Variants in TYW1 observed in about 807,000 individuals in gnomAD.
TYW1 encodes tRNA-yW synthesizing protein 1 homolog.
TYW1 carries 46 observed loss-of-function variants against 96.2 expected under a neutral mutation model. The ratio of observed to expected loss-of-function variants is 0.48; its 90% CI spans 0.38 to 0.61. The LOEUF (loss-of-function observed/expected upper bound fraction) is 0.61. TYW1 is among the 20% of genes least tolerant of loss of function. TYW1 has a pLI of 0.00. For synonymous variants in TYW1, 274 were observed against 323.0 expected (o/e 0.85, Z 1.63); for missense variants, 684 against 909.6 (o/e 0.75, Z 3.19).
At chr7:67,163,469 C>T (rs186756753) in intron 13 of TYW1, among the ~76,000 whole-genome samples, 4 of 152,210 alleles carry the variant, frequency 2.6e-5, no homozygotes, top group Non-Finnish European at 2.9e-5. Context: ...TCTTCCTGCA[C>T]ACTAACCAAG....
chr7:67,099,877 C>A lies in TYW1; in HGVS notation c.1562+1159C>A, dbSNP rs568397707. 9.0e-4 allele frequency among the ~76,000 whole-genome samples: 137 copies of A among 152,216 alleles called. 2 individuals carry two copies. Among genetic ancestry groups the A allele is most frequent in the Non-Finnish European group, 4.3e-4 (29 of 68,004 alleles). ...ATTAGCTGGGCATGATGGTGCATGC[C>A]TGTAATCCCAGCTACTCGGGAGGCT... On this transcript the variant is annotated intron_variant, in intron 12 of 15. Coordinates refer to ENST00000359626, the MANE Select transcript of TYW1 (RefSeq NM_018264.4).
intron 7 of TYW1, among the ~76,000 whole-genome samples, chr7:67,028,741 T>C (rs1448494043): frequency 6.6e-6 from 1 of 152,136 alleles, no homozygotes; most frequent in Non-Finnish European, 1.5e-5. Context: ...AAATCACATA[T>C]GCATTTATCC....
chr7:67,167,418 G>A (rs1235417561), intron 13 of TYW1, among the ~76,000 whole-genome samples: 3 of 139,054 alleles, frequency 2.2e-5, no homozygotes, highest in Admixed American at 1.6e-4. Context: ...GCAGTGAGCC[G>A]AGATTGCGGC....
At chr7:67,132,009 G>T (rs1426861114) in intron 13 of TYW1, among the ~76,000 whole-genome samples, 1 of 152,188 alleles carries the variant, frequency 6.6e-6, no homozygotes, top group Non-Finnish European at 1.5e-5. Context: ...GGGTGGATCT[G>T]CCTTTCCCAG....
intron 15 of TYW1, among the ~76,000 whole-genome samples, chr7:67,205,460 C>A (rs571967439): frequency 0.029 from 4,317 of 148,262 alleles, 86 homozygotes; most frequent in Non-Finnish European, 0.04. Context: ...TGACACCACT[C>A]AAGTGTATGG....
intron 13 of TYW1, among the ~76,000 whole-genome samples, chr7:67,136,143 T>A (rs1045739264): frequency 1.3e-5 from 2 of 152,214 alleles, no homozygotes; most frequent in Non-Finnish European, 2.9e-5. Context: ...GTGGAGGTGA[T>A]CGTGTGTGGG....
At chr7:67,102,979 G>A (rs1311562891) in intron 12 of TYW1, among the ~76,000 whole-genome samples, 5 of 152,200 alleles carry the variant, frequency 3.3e-5, no homozygotes, top group Non-Finnish European at 5.9e-5. Context: ...CATCCTTGAA[G>A]CTCCTAATAT....
intron 10 of TYW1, among the ~76,000 whole-genome samples, chr7:67,070,588 G>C (rs1584523550): frequency 6.6e-6 from 1 of 151,954 alleles, no homozygotes; most frequent in East Asian, 1.9e-4. Context: ...CTTCTGTTTG[G>C]TTCCTTCTTA....
chr7:67,097,740 TG>T (rs1796963455), intron 11 of TYW1, among the ~76,000 whole-genome samples: 1 of 151,736 alleles, frequency 6.6e-6, no homozygotes, highest in South Asian at 2.1e-4. Context: ...TCATCCAGGC[TG>T]GAGTGCAGTG....
chr7:67,142,368 C>T (rs1190780595), intron 13 of TYW1, among the ~76,000 whole-genome samples: 2 of 152,012 alleles, frequency 1.3e-5, no homozygotes, highest in Admixed American at 6.6e-5. Context: ...CCTCCCGAGG[C>T]ACTGGGATTA....
chr7:67,052,190 G>A (rs1002546319), intron 8 of TYW1, among the ~76,000 whole-genome samples: 1 of 151,946 alleles, frequency 6.6e-6, no homozygotes, highest in African/African-American at 2.4e-5. Flanking sequence ...GTGGATTTAT[G>A]GTCTTCATGA....
chr7:67,137,660 G>C (rs781763723), intron 13 of TYW1, among the ~76,000 whole-genome samples: 1 of 152,122 alleles, frequency 6.6e-6, no homozygotes, highest in Non-Finnish European at 1.5e-5. Context: ...GGGTGACTTG[G>C]TCTGCGTGGC....
intron 7 of TYW1, among the ~76,000 whole-genome samples, chr7:67,040,884 T>C (rs974270241): frequency 6.6e-6 from 1 of 151,874 alleles, no homozygotes; most frequent in Non-Finnish European, 1.5e-5. Flanking sequence ...TTGTTTATAG[T>C]GGGTGAAGAG....
At chr7:67,016,114 T>C (rs1268539997) in intron 5 of TYW1, among the ~76,000 whole-genome samples, 1 of 151,812 alleles carries the variant, frequency 6.6e-6, no homozygotes, top group Non-Finnish European at 1.5e-5. Flanking sequence ...TCCTGTTCTC[T>C]ACACTTGAAA....
At chr7:67,048,076 A>G (rs867938617) in intron 7 of TYW1, among the ~76,000 whole-genome samples, 3 of 61,960 alleles carry the variant, frequency 4.8e-5, no homozygotes, top group South Asian at 1.2e-3. Flanking sequence ...GCGTGAGCCA[A>G]CGTGCCCAGC....
chr7:67,029,415 G>A (rs28729977), intron 7 of TYW1, among the ~76,000 whole-genome samples: 29,840 of 91,652 alleles, frequency 0.33, 4,903 homozygotes, highest in African/African-American at 0.38. Flanking sequence ...GTGTGTGTGT[G>A]TATATATATA....
chr7:67,024,188 CATT>C (rs1361193141), intron 6 of TYW1, among the ~76,000 whole-genome samples: 1 of 152,062 alleles, frequency 6.6e-6, no homozygotes, highest in African/African-American at 2.4e-5. Flanking sequence ...TTTATTTCTT[CATT>C]GTTGTTGTTG....
intron 13 of TYW1, among the ~76,000 whole-genome samples, chr7:67,144,281 T>TA (rs11443808): frequency 0.26 from 39,577 of 152,034 alleles, 5,659 homozygotes; most frequent in African/African-American, 0.38. Context: ...CACAACTACC[T>TA]AAAAAATAAG....
At chr7:67,042,043 ATATATAATTATATTAGAAT>A (rs71526595) in intron 7 of TYW1, among the ~76,000 whole-genome samples, 6 of 73,186 alleles carry the variant, frequency 8.2e-5, no homozygotes, top group South Asian at 4.5e-4. Context: ...ATTAGAATTA[ATATATAATTATATTAGAAT>A]TATATAATTA....
Sources: gnomAD v4.1 joint callset for allele counts (sites outside exome capture counted in the v4.1 genomes callset) on GRCh38, gnomAD v4.1.1 for gene constraint, MANE v1.5 for transcripts, NCBI Gene and HGNC (gene_info 2026-07-23, HGNC 2026-07-21) for gene names.